The following PRDM16 variants were observed in gnomAD, a reference collection of about 807,000 sequenced individuals.
The protein encoded by PRDM16 is histone-lysine N-methyltransferase PRDM16.
A neutral mutation model predicts 110.6 loss-of-function variants in PRDM16; 23 were observed. The ratio of observed to expected loss-of-function variants is 0.21; its 90% CI spans 0.15 to 0.29. The LOEUF (loss-of-function observed/expected upper bound fraction) is 0.29. PRDM16 is among the 10% of genes least tolerant of loss of function. The pLI is 1.00. For synonymous variants in PRDM16, 799 were observed against 781.8 expected, an observed-to-expected ratio of 1.02 and a Z score of -0.37; for missense variants, 1,615 against 1,794.3, an observed-to-expected ratio of 0.90 and a Z score of 1.81.
intron 3 of PRDM16, among the ~76,000 whole-genome samples, chr1:3,338,847 C>T (rs530884227): frequency 6.6e-6 from 1 of 152,352 alleles, no homozygotes; most frequent in South Asian, 2.1e-4. Flanking sequence ...TTGGAGCTGA[C>T]TGCAGCAGGC....
At chr1:3,236,129 A>T (rs1639533986) in intron 2 of PRDM16, among the ~76,000 whole-genome samples, 1 of 152,132 alleles carries the variant, frequency 6.6e-6, no homozygotes, top group Non-Finnish European at 1.5e-5. Context: ...GCAGGTGGTC[A>T]GTTATAGCCC....
At chr1:3,304,900 A>G (rs1342457892) in intron 3 of PRDM16, among the ~76,000 whole-genome samples, 1 of 152,140 alleles carries the variant, frequency 6.6e-6, no homozygotes, top group Non-Finnish European at 1.5e-5. Flanking sequence ...CTATTCCTTC[A>G]TAGCCTGCCC....
At chr1:3,410,339 G>C (rs901538763) in intron 8 of PRDM16, among the ~76,000 whole-genome samples, 16 of 152,308 alleles carry the variant, frequency 1.1e-4, no homozygotes, top group Admixed American at 3.3e-4. Context: ...CTCCTGTTGA[G>C]AGAAGATGCT....
At chr1:3,242,708 T>C (rs987267413) in intron 2 of PRDM16, among the ~76,000 whole-genome samples, 2 of 152,206 alleles carry the variant, frequency 1.3e-5, no homozygotes, top group Admixed American at 6.5e-5. Flanking sequence ...AGCTCGTCAA[T>C]TGCACCTTGG....
At chr1:3,128,866 C>G (rs907767229) in intron 1 of PRDM16, among the ~76,000 whole-genome samples, 1 of 152,248 alleles carries the variant, frequency 6.6e-6, no homozygotes, top group Non-Finnish European at 1.5e-5. Context: ...TCGGCCCTCA[C>G]TAACACCAGT....
intron 8 of PRDM16, among the ~76,000 whole-genome samples, chr1:3,410,094 GGTT>G (rs764395213): frequency 7.5e-5 from 11 of 146,196 alleles, no homozygotes; most frequent in Admixed American, 2.0e-4. Flanking sequence ...GAATGTGTGT[GGTT>G]GTGTGTGTGC....
chr1:3,190,576 G>A lies in PRDM16; in HGVS notation c.387+4102G>A, dbSNP rs1638275147. Among the ~76,000 whole-genome samples the A allele has an allele frequency of 6.6e-6, 1 of 152,194 alleles. No homozygotes were observed. On this transcript the variant is annotated intron_variant, in intron 2 of 16. Coordinates refer to ENST00000270722, the MANE Select transcript of PRDM16 (RefSeq NM_022114.4). The surrounding 1 kb of genome is among the most constrained non-coding windows in gnomAD (Gnocchi z 5.0). ...GGGCTCACTCTGTGCATGGCTGTGT[G>A]TGTGCCCCAGGGGTGTGTGGAAACG...
At chr1:3,224,849 A>T (rs1379393616) in intron 2 of PRDM16, among the ~76,000 whole-genome samples, 1 of 152,236 alleles carries the variant, frequency 6.6e-6, no homozygotes, top group East Asian at 1.9e-4. Context: ...TCTGGGAAGG[A>T]CTATGCAATC....
rs1166590843 is a variant in PRDM16, at chr1:3,081,382, C to T, written c.37+12086C>T. Among the ~76,000 whole-genome samples, 2 of 152,160 alleles carry T rather than the reference C, an allele frequency of 1.3e-5. No homozygotes were observed. The highest frequency in any genetic ancestry group is 2.9e-5 in the Non-Finnish European group (2 of 68,016). On this transcript the variant is annotated intron_variant, in intron 1 of 16. Coordinates refer to ENST00000270722, the MANE Select transcript of PRDM16 (RefSeq NM_022114.4). This position sits in a 1 kb window ranked among gnomAD's most constrained non-coding sequence, Gnocchi z 4.6. ...AAAGGGAACGAGGGGCTGGTGGCCA[C>T]GGTGGGCGTGAGAGGCCCATTCCTG...
In PRDM16 at chr1:3,412,737, T is replaced by A; in HGVS notation, c.2540T>A (p.Met847Lys). The change falls in exon 9 of 17, where the codon ATG (methionine) becomes AAG (lysine). Residue 847 changes from methionine (M) to lysine (K), a missense_variant. By Grantham distance (95) the Met-to-Lys change is moderately conservative. Coordinates refer to ENST00000270722, the MANE Select transcript of PRDM16 (RefSeq NM_022114.4). ...CTGCCCCAGGTGTGCCCGGCGCGGATGCCCCAGCAGCCCCCGCTCCACTAC... is the reference window on the plus strand; with the variant it reads ...CTGCCCCAGGTGTGCCCGGCGCGGAAGCCCCAGCAGCCCCCGCTCCACTAC... ...EGLPQVCPAR[M>K]PQQPPLHYAK... is the part of the protein sequence containing the mutation. 1 of 1,506,700 alleles carries A rather than the reference T, an allele frequency of 6.6e-7. No individual in the cohort carries two copies. Among genetic ancestry groups the A allele is most frequent in the Admixed American group, 2.2e-5 (1 of 44,946 alleles). 93.3% of individuals were successfully genotyped at this position (1,506,700 alleles called of 1,614,324 possible).
At chr1:3,373,900 T>G (rs868656724) in intron 3 of PRDM16, among the ~76,000 whole-genome samples, 1 of 152,214 alleles carries the variant, frequency 6.6e-6, no homozygotes, top group South Asian at 2.1e-4. Flanking sequence ...GAACAGACCC[T>G]GTCCTGGCTG....
Position 3,402,869 on chromosome 1 carries a change from C to A in PRDM16, c.755C>A (p.Thr252Lys). 3 of 1,613,106 alleles carry A rather than the reference C, an allele frequency of 1.9e-6. No homozygotes were observed. Among genetic ancestry groups the A allele is most frequent in the Non-Finnish European group, 1.7e-6 (2 of 1,179,990 alleles). ...GACCTGCGGCGCCATAAGAAGTACA[C>A]GTGTGGCTCAGTGGGGGCTGCGCTC... The part of the protein sequence containing the change: ...KLDLRRHKKY[T>K]CGSVGAALYE... The change falls in exon 6 of 17, where the codon ACG becomes AAG. Residue 252 changes from threonine (T) to lysine (K), a missense_variant. Coordinates refer to ENST00000270722, the MANE Select transcript of PRDM16 (RefSeq NM_022114.4).
At chr1:3,301,332 C>CA (rs70938084) in intron 3 of PRDM16, among the ~76,000 whole-genome samples, 68 of 101,760 alleles carry the variant, frequency 6.7e-4, no homozygotes, top group Middle Eastern at 5.9e-3. Flanking sequence ...GATCCCATCT[C>CA]AAAAAAAAAA....
At chr1:3,250,107 C>T (rs970419641) in intron 3 of PRDM16, among the ~76,000 whole-genome samples, 7 of 151,892 alleles carry the variant, frequency 4.6e-5, no homozygotes, top group Admixed American at 6.6e-5. Context: ...CCGCTTCCTC[C>T]GTCTTCTCTC....
At chr1:3,178,446 G>A (rs1161296769) in intron 1 of PRDM16, among the ~76,000 whole-genome samples, 4 of 152,308 alleles carry the variant, frequency 2.6e-5, no homozygotes, top group Admixed American at 2.0e-4. Context: ...GAAGGCTTTG[G>A]ATGGGAAAAG....
At chr1:3,399,341 A>G (rs1485322256) in intron 5 of PRDM16, among the ~76,000 whole-genome samples, 6 of 152,248 alleles carry the variant, frequency 3.9e-5, no homozygotes, top group East Asian at 3.8e-4. Context: ...ATGTTCTTTC[A>G]GCATTTCTTT....
At position 3,353,647 on chromosome 1, in the gene PRDM16, A is replaced by G. The variant is rs1170758820; in HGVS notation, c.439-31505A>G. On this transcript the variant is annotated intron_variant, in intron 3 of 16. Transcript: ENST00000270722. The surrounding 1 kb of genome is among the most constrained non-coding windows in gnomAD (Gnocchi z 5.4). ...AGTTGGCAAACCATTGACTCAGGCCACCTCACTGCACCCACAGGCTTTGCA... is the reference window on the plus strand; with the variant it reads ...AGTTGGCAAACCATTGACTCAGGCCGCCTCACTGCACCCACAGGCTTTGCA... 6.6e-6 allele frequency among the ~76,000 whole-genome samples: 1 copy of G among 152,156 alleles called. No individual in the cohort carries two copies. Among genetic ancestry groups the G allele is most frequent in the Non-Finnish European group, 1.5e-5 (1 of 68,014 alleles).
intron 1 of PRDM16, among the ~76,000 whole-genome samples, chr1:3,163,468 G>C (rs986489803): frequency 6.6e-6 from 1 of 152,210 alleles, no homozygotes; most frequent in Admixed American, 6.5e-5. Flanking sequence ...CCAGCCCAGA[G>C]TAGGTGTTGA....
chr1:3,346,037 G>A (rs1003399148), intron 3 of PRDM16, among the ~76,000 whole-genome samples: 6 of 152,238 alleles, frequency 3.9e-5, no homozygotes, highest in Non-Finnish European at 7.3e-5. Flanking sequence ...ATTGAGGGGC[G>A]GGCTCCAAGG....
Sources: allele counts gnomAD v4.1 joint callset (sites outside exome capture counted in the v4.1 genomes callset), GRCh38; gene constraint gnomAD v4.1.1; non-coding constraint Gnocchi (gnomAD v3.1); transcripts MANE v1.5; gene names NCBI Gene and HGNC (gene_info 2026-07-23, HGNC 2026-07-21).